COPZ1: variants seen among roughly 807,000 people sequenced by gnomAD.
The protein encoded by COPZ1 is coatomer subunit zeta-1.
A neutral mutation model predicts 31.7 loss-of-function variants in COPZ1; 4 were observed. The observed-to-expected ratio is 0.13, with a 90% CI of 0.06 to 0.29. The LOEUF (loss-of-function observed/expected upper bound fraction) is 0.29. COPZ1 is among the 10% of genes least tolerant of loss of function. The pLI is 1.00. For missense variants in COPZ1, 156 were observed against 211.5 expected, an observed-to-expected ratio of 0.74 and a Z score of 1.63; for synonymous variants, 74 against 79.0, an observed-to-expected ratio of 0.94 and a Z score of 0.33.
chr12:54,334,294 G>A (rs1953814728), intron 1 of COPZ1, among the ~76,000 whole-genome samples: 1 of 151,840 alleles, frequency 6.6e-6, no homozygotes. Context: ...GGTGGGAAGC[G>A]CCTGTAATCC....
chr12:54,326,989 TTTTTTTTTTG>T (rs1953665695), intron 1 of COPZ1, among the ~76,000 whole-genome samples: 1 of 118,982 alleles, frequency 8.4e-6, no homozygotes, highest in African/African-American at 3.3e-5. Flanking sequence ...TTTTTTTTTT[TTTTTTTTTTG>T]AGATAGAGTC....
At chr12:54,340,177 T>C (rs1016473046) in intron 1 of COPZ1, among the ~76,000 whole-genome samples, 42 of 152,142 alleles carry the variant, frequency 2.8e-4, no homozygotes, top group African/African-American at 5.8e-4. Flanking sequence ...TTTTAATTAA[T>C]CTGGTCACAT....
chr12:54,344,856 G>A (rs1329434855), intron 4 of COPZ1: 1 of 151,140 alleles, frequency 6.6e-6, no homozygotes, highest in South Asian at 2.2e-4. Flanking sequence ...AGGCTCAAGT[G>A]ATTCTACCAC....
chr12:54,331,989 T>C (rs1383576388), intron 1 of COPZ1, among the ~76,000 whole-genome samples: 9 of 152,188 alleles, frequency 5.9e-5, no homozygotes, highest in Admixed American at 4.6e-4. Context: ...TTCACTTCCA[T>C]GATAGTTGAA....
intron 2 of COPZ1, among the ~76,000 whole-genome samples, chr12:54,341,287 A>G (rs1296566013): frequency 6.6e-6 from 1 of 152,082 alleles, no homozygotes; most frequent in Non-Finnish European, 1.5e-5. Flanking sequence ...CTAGGTTTAT[A>G]GTCACCATCA....
chr12:54,347,902 C>T (rs1352222278), intron 6 of COPZ1, 58 bp downstream of exon 6: 2 of 1,607,094 alleles, frequency 1.2e-6, no homozygotes, highest in Admixed American at 1.7e-5. Context: ...TGCCCCTGTC[C>T]TAAGTCAAGC....
intron 4 of COPZ1, among the ~76,000 whole-genome samples, chr12:54,343,858 TCAA>T (rs1331840612): frequency 2.5e-4 from 38 of 152,358 alleles, no homozygotes; most frequent in Admixed American, 2.0e-3. Flanking sequence ...TTTGAGAAAG[TCAA>T]CTCTTACTGA....
chr12:54,346,751 G>A, intron 5 of COPZ1: 1 of 673,382 alleles, frequency 1.5e-6, no homozygotes, highest in Non-Finnish European at 2.7e-6. Flanking sequence ...AGCTACTTGG[G>A]AGGCTGAGGT....
At chr12:54,340,478 G>A (rs767885501) in intron 1 of COPZ1, 69 bp from the exon 2 acceptor site, 5 of 1,601,964 alleles carry the variant, frequency 3.1e-6, no homozygotes, top group East Asian at 2.2e-5. Context: ...GTGGGACTAG[G>A]GGAAGGTATC....
chr12:54,338,230 G>A (rs58631520), intron 1 of COPZ1, among the ~76,000 whole-genome samples: 79 of 152,296 alleles, frequency 5.2e-4, no homozygotes, highest in African/African-American at 1.7e-3. Context: ...AAATGATTTC[G>A]TCTAAATTTT....
intron 8 of COPZ1, 50 bp from the exon 9 acceptor site, chr12:54,350,426 T>C (rs1292523723): frequency 2.6e-6 from 4 of 1,523,944 alleles, no homozygotes; most frequent in East Asian, 2.2e-5. Flanking sequence ...CCCTCATCCT[T>C]ACCCTGCCCT....
intron 3 of COPZ1, 91 bp downstream of exon 3, chr12:54,342,378 A>G (rs1177286219): frequency 5.3e-6 from 5 of 938,430 alleles, no homozygotes; most frequent in Non-Finnish European, 8.6e-6. Context: ...GGATGAAATG[A>G]CTCTGCCTTT....
At chr12:54,335,966 C>T (rs1204293152) in intron 1 of COPZ1, among the ~76,000 whole-genome samples, 2 of 152,154 alleles carry the variant, frequency 1.3e-5, no homozygotes, top group Non-Finnish European at 2.9e-5. Context: ...GCATGAGCCA[C>T]TGCGCCTGGC....
At chr12:54,348,211 A>C (rs1178936428) in intron 7 of COPZ1, 160 bp downstream of exon 7, 1 of 637,500 alleles carries the variant, frequency 1.6e-6, no homozygotes, top group Non-Finnish European at 2.7e-6. Flanking sequence ...TTCTCTTCTT[A>C]TTGTCCCAAA....
chr12:54,344,619 G>A (rs1158147944), intron 4 of COPZ1: 1 of 152,354 alleles, frequency 6.6e-6, no homozygotes, highest in Non-Finnish European at 1.5e-5. Flanking sequence ...AGCTGGGCGT[G>A]GTGGTGGGCG....
In COPZ1 at chr12:54,350,750, A is replaced by C; in HGVS notation, c.*227A>C. 1.7e-6 allele frequency: 1 copy of C among 583,406 alleles called. No individual in the cohort carries two copies. Among genetic ancestry groups the C allele is most frequent in the South Asian group, 2.1e-5 (1 of 48,196 alleles). 36.1% of individuals were successfully genotyped at this position (583,406 alleles called of 1,614,324 possible). On this transcript the variant is annotated 3_prime_UTR_variant, in exon 9 of 9. Transcript: ENST00000262061. ...GTAAAGCTCCCAGCATATTTAGATA[A>C]TAGGGCAGGGGAAGCACCCTCTTTC... is the stretch of plus-strand genomic sequence containing the variant.
At chr12:54,337,934 C>T (rs939400735) in intron 1 of COPZ1, among the ~76,000 whole-genome samples, 5 of 152,170 alleles carry the variant, frequency 3.3e-5, no homozygotes, top group Non-Finnish European at 5.9e-5. Flanking sequence ...GTGAAAAGAA[C>T]CAAGAGCAGA....
chr12:54,346,746 C>T (rs1270227511), intron 5 of COPZ1: 1 of 675,986 alleles, frequency 1.5e-6, no homozygotes, highest in Non-Finnish European at 2.7e-6. Context: ...GTCTCAGCTA[C>T]TTGGGAGGCT....
rs1191597323 is a variant in COPZ1 at position 54,349,667 on chromosome 12, C to T, written c.486+9C>T. On this transcript the variant is annotated intron_variant, in intron 8 of 8. Transcript: ENST00000262061. The stretch of plus-strand genomic sequence containing the variant: ...AGCAGACCGTGTCTCAGGTATGACT[C>T]TCCCTTCTTCCTTTCCAGATGGACT... 6 of 1,606,110 alleles carry T rather than the reference C, an allele frequency of 3.7e-6. No homozygotes were observed. The highest frequency in any genetic ancestry group is 2.7e-5 in the African/African-American group (2 of 74,754).
Sources: gnomAD v4.1 joint callset for allele counts (sites outside exome capture counted in the v4.1 genomes callset) on GRCh38, gnomAD v4.1.1 for gene constraint, MANE v1.5 for transcripts, NCBI Gene and HGNC (gene_info 2026-07-23, HGNC 2026-07-21) for gene names.